NRXN3: variants seen among roughly 807,000 people sequenced by gnomAD.
The protein encoded by NRXN3 is neurexin 3.
A neutral mutation model predicts 137.6 loss-of-function variants in NRXN3; 32 were observed. That is an observed-to-expected ratio of 0.23 (90% CI 0.18 to 0.31). The LOEUF (loss-of-function observed/expected upper bound fraction) is 0.31, where lower values mean the gene tolerates loss of function less well. Among genes scored for constraint, NRXN3 ranks in the 10% least tolerant of loss-of-function variants. The pLI, the probability that NRXN3 is intolerant of heterozygous loss-of-function variation, is 1.00. For missense variants in NRXN3, 1,574 were observed against 2,062.5 expected (o/e 0.76, Z 4.59); for synonymous variants, 798 against 784.5 (o/e 1.02, Z -0.29).
intron 15 of NRXN3, among the ~76,000 whole-genome samples, chr14:79,029,014 A>G (rs933824964): frequency 6.6e-6 from 1 of 152,038 alleles, no homozygotes; most frequent in African/African-American, 2.4e-5. Context: ...AGGAAAAAAT[A>G]GTGATAAATA....
At chr14:79,657,709 G>A (rs1032791522) in intron 16 of NRXN3, among the ~76,000 whole-genome samples, 1 of 152,166 alleles carries the variant, frequency 6.6e-6, no homozygotes, top group South Asian at 2.1e-4. Context: ...CTAAAGAACT[G>A]CAGTAAAAGC....
intron 4 of NRXN3, among the ~76,000 whole-genome samples, chr14:78,344,533 G>A (rs911776823): frequency 6.6e-5 from 10 of 152,148 alleles, no homozygotes; most frequent in African/African-American, 2.2e-4. Flanking sequence ...CCTCCTGCAC[G>A]TGAGGCACAT....
intron 6 of NRXN3, among the ~76,000 whole-genome samples, chr14:78,683,618 G>A (rs1297537457): frequency 6.6e-6 from 1 of 152,206 alleles, no homozygotes. Flanking sequence ...GATAAGTGGA[G>A]CAAGATTCCG....
chr14:79,235,708 A>G (rs1209185630), intron 15 of NRXN3, among the ~76,000 whole-genome samples: 1 of 152,180 alleles, frequency 6.6e-6, no homozygotes, highest in African/African-American at 2.4e-5. Flanking sequence ...ACAAGTAAAG[A>G]CATACAGTGA....
Position 79,280,456 on chromosome 14 carries a change from C to G in NRXN3, c.3263-186765C>G, listed in dbSNP as rs1413590380. On this transcript the variant is annotated intron_variant, in intron 15 of 20. Transcript: ENST00000335750. ...CCTCGCCGGGGTCTCACTCTCAGCA[C>G]GAGCACCATTTCCATGGCAGCAAGC... is the stretch of plus-strand genomic sequence containing the variant. The G allele has an allele frequency of 6.2e-6, 10 of 1,613,974 alleles. No individual in the cohort carries two copies. In the South Asian group the frequency reaches 8.8e-5, roughly 14 times the overall value.
At chr14:79,800,147 G>A (rs143587117) in intron 19 of NRXN3, among the ~76,000 whole-genome samples, 2 of 152,258 alleles carry the variant, frequency 1.3e-5, no homozygotes, top group African/African-American at 4.8e-5. Flanking sequence ...TTTAAGCATA[G>A]CCATTGAAAG....
At chr14:79,847,432 A>T (rs1352660248) in intron 20 of NRXN3, among the ~76,000 whole-genome samples, 1 of 152,028 alleles carries the variant, frequency 6.6e-6, no homozygotes, top group Non-Finnish European at 1.5e-5. Flanking sequence ...TTGGCAAGAG[A>T]ACAGATCTGG....
At chr14:79,412,807 A>G (rs929653351) in intron 15 of NRXN3, among the ~76,000 whole-genome samples, 2 of 142,566 alleles carry the variant, frequency 1.4e-5, no homozygotes, top group African/African-American at 5.3e-5. Flanking sequence ...AAAAAAAAAA[A>G]GGCTGAGATC....
chr14:78,596,049 A>G lies in NRXN3; in HGVS notation c.758-49071A>G, dbSNP rs543158418. Reference sequence around the variant, plus strand: ...AGGTTCTAAATGTTCTACGACGCACATGACAGTGCCACAGCAAAGAATTAT... The same window carrying G: ...AGGTTCTAAATGTTCTACGACGCACGTGACAGTGCCACAGCAAAGAATTAT... On this transcript the variant is annotated intron_variant, in intron 4 of 20. Coordinates refer to ENST00000335750, the MANE Select transcript of NRXN3 (RefSeq NM_001330195.2). 5.3e-5 allele frequency among the ~76,000 whole-genome samples: 8 copies of G among 152,230 alleles called. No homozygotes were observed. The East Asian group carries it at 7.8e-4, about 15-fold the overall frequency.
At chr14:78,805,600 G>GA (rs201107127) in intron 9 of NRXN3, among the ~76,000 whole-genome samples, 7,326 of 92,550 alleles carry the variant, frequency 0.079, 451 homozygotes, top group African/African-American at 0.21. Context: ...AAAAACAACA[G>GA]AAAAAAAAAA....
chr14:79,722,533 G>A (rs1414368857), intron 19 of NRXN3, among the ~76,000 whole-genome samples: 1 of 152,026 alleles, frequency 6.6e-6, no homozygotes, highest in Non-Finnish European at 1.5e-5. Context: ...CCTCTGCTGA[G>A]AACCCACTTT....
At chr14:79,799,659 T>C (rs763054745) in intron 19 of NRXN3, among the ~76,000 whole-genome samples, 4 of 152,152 alleles carry the variant, frequency 2.6e-5, no homozygotes, top group South Asian at 2.1e-4. Flanking sequence ...CTATTTCACC[T>C]GAAATGCCCT....
At chr14:79,261,559 G>C (rs1039612050) in intron 15 of NRXN3, among the ~76,000 whole-genome samples, 1 of 144,168 alleles carries the variant, frequency 6.9e-6, no homozygotes, top group African/African-American at 2.5e-5. Flanking sequence ...TCCAGTCTGG[G>C]AAAATGGTGA....
At chr14:78,650,350 G>T (rs1481279402) in intron 5 of NRXN3, among the ~76,000 whole-genome samples, 1 of 152,036 alleles carries the variant, frequency 6.6e-6, no homozygotes, top group Non-Finnish European at 1.5e-5. Flanking sequence ...AGGCCCCATC[G>T]TTTCTCTCTG....
At chr14:79,259,960 G>A (rs1366652556) in intron 15 of NRXN3, among the ~76,000 whole-genome samples, 1 of 152,034 alleles carries the variant, frequency 6.6e-6, no homozygotes, top group African/African-American at 2.4e-5. Context: ...TCCATTGTGT[G>A]CAGAATTCAA....
At chr14:79,655,279 T>C (rs542830167) in intron 16 of NRXN3, among the ~76,000 whole-genome samples, 41 of 152,262 alleles carry the variant, frequency 2.7e-4, no homozygotes, top group African/African-American at 8.4e-4. Flanking sequence ...ACATGTGTAT[T>C]AGACCTGCCA....
intron 17 of NRXN3, among the ~76,000 whole-genome samples, chr14:79,684,542 A>G (rs10483932): frequency 0.062 from 9,468 of 152,194 alleles, 363 homozygotes; most frequent in Middle Eastern, 0.16. Flanking sequence ...ATACAGAAGG[A>G]TTACTATGTC....
intron 1 of NRXN3, among the ~76,000 whole-genome samples, chr14:78,176,408 ATC>A (rs1309953808): frequency 7.1e-6 from 1 of 140,444 alleles, no homozygotes; most frequent in East Asian, 2.0e-4. Context: ...AACACTCGGT[ATC>A]TCATTTAATT....
intron 4 of NRXN3, chr14:78,300,539 T>G: frequency 1.7e-6 from 1 of 590,998 alleles, no homozygotes; most frequent in East Asian, 2.8e-5. Flanking sequence ...TTGTGAGTTT[T>G]TGTTTTGTGT....
Sources: gnomAD v4.1 joint callset for allele counts (sites outside exome capture counted in the v4.1 genomes callset) on GRCh38, gnomAD v4.1.1 for gene constraint, MANE v1.5 for transcripts, NCBI Gene and HGNC (gene_info 2026-07-23, HGNC 2026-07-21) for gene names.